DPYSL2: variants seen among roughly 807,000 people sequenced by gnomAD.
The protein encoded by DPYSL2 is dihydropyrimidinase like 2.
DPYSL2 carries 13 observed loss-of-function variants against 69.9 expected under a neutral mutation model. That is an observed-to-expected ratio of 0.19 (90% CI 0.12 to 0.30). DPYSL2 has a LOEUF of 0.30. Among genes scored for constraint, DPYSL2 ranks in the 10% least tolerant of loss-of-function variants. The pLI is 1.00. For missense variants in DPYSL2, 587 were observed against 918.9 expected (o/e 0.64, Z 4.67); for synonymous variants, 326 against 359.1 (o/e 0.91, Z 1.04).
chr8:26,556,305 A>AGT (rs372198031), intron 1 of DPYSL2, among the ~76,000 whole-genome samples: 2 of 20,674 alleles, frequency 9.7e-5, no homozygotes, highest in African/African-American at 2.4e-4. Context: ...GTATATATAT[A>AGT]GTATATATAT....
intron 3 of DPYSL2, among the ~76,000 whole-genome samples, chr8:26,600,449 C>T (rs571510437): frequency 3.3e-5 from 5 of 152,282 alleles, no homozygotes; most frequent in East Asian, 1.9e-4. Context: ...CGCATCCTTG[C>T]CAACACTTGC....
chr8:26,544,942 G>T (rs1800741606), intron 1 of DPYSL2, among the ~76,000 whole-genome samples: 1 of 152,180 alleles, frequency 6.6e-6, no homozygotes, highest in Non-Finnish European at 1.5e-5. Context: ...AAAAAGGTCA[G>T]TTCTACAGGA....
At chr8:26,630,091 C>T (rs1359375297) in intron 7 of DPYSL2, among the ~76,000 whole-genome samples, 1 of 152,248 alleles carries the variant, frequency 6.6e-6, no homozygotes, top group Non-Finnish European at 1.5e-5. Flanking sequence ...GTTGTACCCA[C>T]GTATTTTCAC....
At chr8:26,646,519 A>G (rs1803168733) in intron 10 of DPYSL2, among the ~76,000 whole-genome samples, 1 of 151,648 alleles carries the variant, frequency 6.6e-6, no homozygotes, top group Admixed American at 6.6e-5. Context: ...TAGAGTGAAA[A>G]TTTTTTCCTA....
intron 1 of DPYSL2, among the ~76,000 whole-genome samples, chr8:26,526,794 G>C (rs561377333): frequency 1.3e-5 from 2 of 152,336 alleles, no homozygotes; most frequent in South Asian, 4.1e-4. Context: ...ACCCCCATTG[G>C]TGTGTTCCAC....
chr8:26,568,002 G>C (rs1238750074), intron 1 of DPYSL2, among the ~76,000 whole-genome samples: 3 of 152,164 alleles, frequency 2.0e-5, no homozygotes, highest in Non-Finnish European at 2.9e-5. Context: ...TCCTCCACTG[G>C]TTTGGCAGTG....
rs182329035 is a variant in DPYSL2, at chr8:26,532,669, C to T, written c.354+17990C>T. Among the ~76,000 whole-genome samples the T allele has an allele frequency of 2.0e-3, 306 of 152,232 alleles. 2 individuals carry two copies. Among genetic ancestry groups the T allele is most frequent in the African/African-American group, 7.1e-3 (297 of 41,542 alleles). ...TTCTTTCTCTCAGCACAATGTTTTC[C>T]AGTTTCATTGGTGTTATAACATGTA... On this transcript the variant is annotated intron_variant, in intron 1 of 13. Transcript: ENST00000521913.
At position 26,644,590 on chromosome 8, in the gene DPYSL2, C is replaced by T. The variant is rs529832157; in HGVS notation, c.1425+499C>T. Among the ~76,000 whole-genome samples, 1 of 152,204 alleles carries T rather than the reference C, an allele frequency of 6.6e-6. No individual in the cohort carries two copies. The highest frequency in any genetic ancestry group is 2.1e-4 in the South Asian group (1 of 4,822). On this transcript the variant is annotated intron_variant, in intron 10 of 13. Coordinates refer to ENST00000521913, the MANE Select transcript of DPYSL2 (RefSeq NM_001197293.3). The surrounding 1 kb of genome is among the most constrained non-coding windows in gnomAD (Gnocchi z 4.5). Reference sequence around the variant, plus strand: ...AAAGTGCTGGGATTACAGGTGTGAGCCACCACGCCTGGCTTACCTGTATAT... The same window carrying T: ...AAAGTGCTGGGATTACAGGTGTGAGTCACCACGCCTGGCTTACCTGTATAT...
intron 3 of DPYSL2, among the ~76,000 whole-genome samples, chr8:26,594,011 G>A (rs1184121188): frequency 2.6e-5 from 4 of 152,268 alleles, no homozygotes; most frequent in East Asian, 1.9e-4. Flanking sequence ...AGCTGGGCAC[G>A]GTTTATTGGA....
intron 1 of DPYSL2, among the ~76,000 whole-genome samples, chr8:26,540,167 A>T (rs1041525165): frequency 6.6e-6 from 1 of 152,198 alleles, no homozygotes; most frequent in African/African-American, 2.4e-5. Flanking sequence ...CAACAAAGAG[A>T]TAAAATAATC....
intron 1 of DPYSL2, chr8:26,578,443 G>C (rs1371907594): frequency 1.1e-5 from 16 of 1,504,898 alleles, no homozygotes; most frequent in Non-Finnish European, 1.4e-5. Context: ...GATGGTGGTG[G>C]TGGTTGTGGG....
At chr8:26,592,781 C>T (rs1313228439) in intron 3 of DPYSL2, among the ~76,000 whole-genome samples, 1 of 152,098 alleles carries the variant, frequency 6.6e-6, no homozygotes, top group Non-Finnish European at 1.5e-5. Flanking sequence ...CCGGCCGGTA[C>T]ATTAGTTTTA....
intron 1 of DPYSL2, among the ~76,000 whole-genome samples, chr8:26,519,382 A>T (rs972099327): frequency 6.6e-6 from 1 of 152,212 alleles, no homozygotes; most frequent in Non-Finnish European, 1.5e-5. Context: ...AGCCCAGGTG[A>T]TAGTCCCAGG....
At chr8:26,581,318 G>A (rs1644898838) in intron 1 of DPYSL2, among the ~76,000 whole-genome samples, 1 of 150,004 alleles carries the variant, frequency 6.7e-6, no homozygotes, top group Admixed American at 6.6e-5. Context: ...TTTTTTTGTT[G>A]TTGTTTGTTT....
intron 3 of DPYSL2, among the ~76,000 whole-genome samples, chr8:26,616,448 C>T (rs1286525974): frequency 6.6e-6 from 1 of 152,132 alleles, no homozygotes; most frequent in Non-Finnish European, 1.5e-5. Context: ...TGTGTTACTG[C>T]CTCCCTGATG....
At chr8:26,523,695 C>G (rs891631454) in intron 1 of DPYSL2, among the ~76,000 whole-genome samples, 3 of 151,844 alleles carry the variant, frequency 2.0e-5, no homozygotes, top group Admixed American at 1.3e-4. Context: ...GGGTCTTGCT[C>G]TGTCACCCAG....
intron 1 of DPYSL2, among the ~76,000 whole-genome samples, chr8:26,569,939 T>C (rs1801212087): frequency 6.6e-6 from 1 of 152,140 alleles, no homozygotes; most frequent in Non-Finnish European, 1.5e-5. Flanking sequence ...GCGCGGTGGC[T>C]CACACCTGTA....
At chr8:26,634,724 T>C (rs950860009) in intron 7 of DPYSL2, 56 bp from the exon 8 acceptor site, 1 of 1,611,702 alleles carries the variant, frequency 6.2e-7, no homozygotes, top group African/African-American at 1.3e-5. Context: ...AGGATAAAGG[T>C]AGCGGCTCGT....
chr8:26,542,528 C>T (rs967976122), intron 1 of DPYSL2, among the ~76,000 whole-genome samples: 2 of 151,828 alleles, frequency 1.3e-5, no homozygotes, highest in Non-Finnish European at 2.9e-5. Context: ...CTCAAGTTGT[C>T]TTCCTGCCTC....
Sources: allele counts gnomAD v4.1 joint callset (sites outside exome capture counted in the v4.1 genomes callset), GRCh38; gene constraint gnomAD v4.1.1; non-coding constraint Gnocchi (gnomAD v3.1); transcripts MANE v1.5; gene names NCBI Gene and HGNC (gene_info 2026-07-23, HGNC 2026-07-21).